MANBA: variants seen among roughly 807,000 people sequenced by gnomAD.
MANBA encodes beta-mannosidase.
A neutral mutation model predicts 111.1 loss-of-function variants in MANBA; 83 were observed. The ratio of observed to expected loss-of-function variants is 0.75; its 90% CI spans 0.63 to 0.90. MANBA has a LOEUF of 0.90. MANBA is among the 40% of genes least tolerant of loss of function. The probability of loss-of-function intolerance (pLI) is 0.00; values close to 1 mark genes in which losing one functional copy is unlikely to be tolerated. For synonymous variants in MANBA, 370 were observed against 378.7 expected, an observed-to-expected ratio of 0.98 and a Z score of 0.27; for missense variants, 1,036 against 1,069.0, an observed-to-expected ratio of 0.97 and a Z score of 0.43.
intron 13 of MANBA, among the ~76,000 whole-genome samples, chr4:102,646,844 T>A (rs1378611240): frequency 1.3e-5 from 2 of 152,146 alleles, no homozygotes; most frequent in Admixed American, 1.3e-4. Context: ...CAGGAGCCCA[T>A]AGGGATATCT....
chr4:102,665,334 AC>A (rs1484464600), intron 10 of MANBA: 1 of 166,826 alleles, frequency 6.0e-6, no homozygotes, highest in Non-Finnish European at 1.3e-5. Flanking sequence ...TGCAGTCCTC[AC>A]TGAGATCAGA....
chr4:102,708,903 C>T (rs1721883226), intron 5 of MANBA, among the ~76,000 whole-genome samples: 1 of 151,766 alleles, frequency 6.6e-6, no homozygotes, highest in African/African-American at 2.4e-5. Context: ...TACATTACAA[C>T]TGATACTACA....
In MANBA at chr4:102,643,702, T is replaced by C. The variant is rs538864268; in HGVS notation, c.1870-3845A>G. 2.6e-5 allele frequency among the ~76,000 whole-genome samples: 4 copies of C among 152,302 alleles called. No homozygotes were observed. The South Asian group carries it at 8.3e-4, about 32-fold the overall frequency. ...TTACTGGTCATTTTCTTTAAAGAAG[T>C]GTTTATTCAAAGCCTTTACCAATTT... On this transcript the variant is annotated intron_variant, in intron 13 of 16. Transcript: ENST00000647097.
chr4:102,662,076 T>G (rs530828027), intron 11 of MANBA, among the ~76,000 whole-genome samples: 1 of 152,168 alleles, frequency 6.6e-6, no homozygotes, highest in South Asian at 2.1e-4. Flanking sequence ...GAAAGGCATA[T>G]CTCCATTTCA....
chr4:102,730,472 G>A lies in MANBA; in HGVS notation c.178-3789C>T, dbSNP rs185989503. The A allele has an allele frequency of 1.8e-3, 919 of 517,644 alleles. 13 individuals are homozygous for A. Among genetic ancestry groups the A allele is most frequent in the Non-Finnish European group, 5.8e-4 (155 of 265,576 alleles). The allele number at this position is 517,644 out of a possible 1,614,324, so 32.1% of individuals were successfully genotyped here. A position where few individuals can be genotyped will look rare whatever the true frequency, so the allele number is the denominator to read the frequency against. On this transcript the variant is annotated intron_variant, in intron 1 of 16. Transcript: ENST00000647097. ...GGGTAAGGGTCAGCTGCACTGCGGG[G>A]GCGGTTCCTGGGGCAGCTCGTCCCT...
chr4:102,657,707 C>A lies in MANBA; in HGVS notation c.1679G>T (p.Trp560Leu), dbSNP rs1730630605. 1.2e-6 allele frequency: 2 copies of A among 1,612,868 alleles called. No homozygotes were observed. The highest frequency in any genetic ancestry group is 4.5e-5 in the East Asian group (2 of 44,872). Reference sequence around the variant, plus strand: ...CTTTTCTAATGTACTGAAGGACGGCCAGGACTGATATCCATATTCAGATGC... The same window carrying A: ...CTTTTCTAATGTACTGAAGGACGGCAAGGACTGATATCCATATTCAGATGC... The part of the protein sequence containing the change: ...RFASEYGYQS[W>L]PSFSTLEKVS... The change falls in exon 12 of 17, where the codon TGG becomes TTG. Residue 560 changes from tryptophan (W) to leucine (L), a missense_variant. Trp to Leu is a moderately conservative substitution (Grantham distance 61). Coordinates refer to ENST00000647097, the MANE Select transcript of MANBA (RefSeq NM_005908.4).
intron 7 of MANBA, among the ~76,000 whole-genome samples, chr4:102,684,704 G>A (rs555625074): frequency 1.2e-4 from 18 of 152,118 alleles, no homozygotes; most frequent in Non-Finnish European, 1.5e-4. Context: ...AGATAGTACC[G>A]AACCCCATAT....
chr4:102,673,967 G>C lies in MANBA; in HGVS notation c.1064C>G (p.Ser355Ter). Residue 355 changes from serine to a stop codon, truncating the protein, a stop_gained, in exon 8 of 17, where the codon TCA becomes TGA. Transcript: ENST00000647097. LOFTEE classifies it high-confidence loss of function. ...GAATGAATCTGCTGGGATCCAGTTT[G>C]AGCCTTTTAGAAATATGGGAAATCC... The part of the protein sequence containing the change: ...INGFPIFLKG[S>*]NWIPADSFQD... 1 of 1,610,962 alleles carries C rather than the reference G, an allele frequency of 6.2e-7. No homozygotes were observed. Among genetic ancestry groups the C allele is most frequent in the Non-Finnish European group, 8.5e-7 (1 of 1,177,162 alleles).
chr4:102,718,397 A>C (rs1364769408), intron 4 of MANBA, among the ~76,000 whole-genome samples: 3 of 152,236 alleles, frequency 2.0e-5, no homozygotes, highest in African/African-American at 4.8e-5. Context: ...TATGGAAGAA[A>C]TGAAAAATGA....
chr4:102,723,479 T>C (rs1173301816), intron 3 of MANBA, among the ~76,000 whole-genome samples: 2 of 152,200 alleles, frequency 1.3e-5, no homozygotes, highest in Non-Finnish European at 2.9e-5. Context: ...AAGTCTACCT[T>C]TGAAAGGAAA....
intron 5 of MANBA, among the ~76,000 whole-genome samples, chr4:102,697,568 T>G (rs1732784001): frequency 7.2e-6 from 1 of 139,182 alleles, no homozygotes; most frequent in South Asian, 2.3e-4. Flanking sequence ...CCATGTGTTC[T>G]CATTGTTCAA....
At chr4:102,713,896 CAA>C (rs987115592) in intron 5 of MANBA, among the ~76,000 whole-genome samples, 4,684 of 68,360 alleles carry the variant, frequency 0.069, 203 homozygotes, top group African/African-American at 0.17. Flanking sequence ...AACTCCATCT[CAA>C]AAAAAAAAAA....
chr4:102,723,271 C>T (rs1034501245), intron 3 of MANBA, among the ~76,000 whole-genome samples: 1 of 152,188 alleles, frequency 6.6e-6, no homozygotes, highest in Non-Finnish European at 1.5e-5. Context: ...TTCTAGGCTT[C>T]TCCTTCTATT....
At chr4:102,664,565 C>T in intron 11 of MANBA, 120 bp downstream of exon 11, 1 of 863,114 alleles carries the variant, frequency 1.2e-6, no homozygotes, top group Non-Finnish European at 1.9e-6. Context: ...GTCTCGATCT[C>T]CTGACCTTGT....
At chr4:102,676,559 A>G (rs1000123090) in intron 7 of MANBA, among the ~76,000 whole-genome samples, 1 of 152,116 alleles carries the variant, frequency 6.6e-6, no homozygotes, top group African/African-American at 2.4e-5. Flanking sequence ...TTTGACTGCA[A>G]TATGAAGACT....
intron 11 of MANBA, among the ~76,000 whole-genome samples, chr4:102,661,471 T>G (rs1730952771): frequency 6.6e-6 from 1 of 152,184 alleles, no homozygotes; most frequent in Non-Finnish European, 1.5e-5. Flanking sequence ...TTGGGTGAAT[T>G]TAAAAATATT....
chr4:102,721,094 C>T (rs992948054), intron 4 of MANBA, among the ~76,000 whole-genome samples: 1 of 152,008 alleles, frequency 6.6e-6, no homozygotes, highest in Non-Finnish European at 1.5e-5. Flanking sequence ...GAGGCCGAGG[C>T]GGGTGGATCA....
chr4:102,727,947 A>T, intron 1 of MANBA: 1 of 452,770 alleles, frequency 2.2e-6, no homozygotes, highest in Non-Finnish European at 4.2e-6. Flanking sequence ...TACTGAGAGA[A>T]CTTTTCTGGA....
At chr4:102,730,557 G>A (rs1451373708) in intron 1 of MANBA, 14 of 535,346 alleles carry the variant, frequency 2.6e-5, no homozygotes, top group South Asian at 1.2e-4. Flanking sequence ...AAGGCAAGAC[G>A]TAATTTAGTG....
Sources: gnomAD v4.1 joint callset for allele counts (sites outside exome capture counted in the v4.1 genomes callset) on GRCh38, gnomAD v4.1.1 for gene constraint, MANE v1.5 for transcripts, NCBI Gene and HGNC (gene_info 2026-07-23, HGNC 2026-07-21) for gene names.